SSR1: variants seen among roughly 807,000 people sequenced by gnomAD.
The protein encoded by SSR1 is signal sequence receptor subunit 1.
A neutral mutation model predicts 36.1 loss-of-function variants in SSR1; 13 were observed. The observed-to-expected ratio is 0.36, with a 90% CI of 0.23 to 0.57. SSR1 has a LOEUF of 0.57. Among genes scored for constraint, SSR1 ranks in the 20% least tolerant of loss-of-function variants. The pLI, the probability that SSR1 is intolerant of heterozygous loss-of-function variation, is 0.81. For synonymous variants in SSR1, 113 were observed against 118.9 expected (o/e 0.95, Z 0.32); for missense variants, 291 against 338.5 (o/e 0.86, Z 1.10).
At chr6:7,291,381 G>A (rs1164876959) in intron 7 of SSR1, among the ~76,000 whole-genome samples, 1 of 152,030 alleles carries the variant, frequency 6.6e-6, no homozygotes, top group African/African-American at 2.4e-5. Context: ...CTGGGCAACA[G>A]AGCAAGACTC....
In SSR1 at chr6:7,309,979, CTTCTACTG is replaced by C; in HGVS notation, c.122_129del (p.Thr41ArgfsTer5). The C allele has an allele frequency of 6.2e-7, 1 of 1,614,018 alleles. No individual in the cohort carries two copies. The highest frequency in any genetic ancestry group is 8.5e-7 in the Non-Finnish European group (1 of 1,180,002). On this transcript the variant is annotated frameshift_variant, in exon 2 of 8. Coordinates refer to ENST00000244763, the MANE Select transcript of SSR1 (RefSeq NM_003144.5). LOFTEE classifies it high-confidence loss of function. ...TCATCTTCATCCTCAATTATGGAAT[CTTCTACTG>C]TTTCTTCATCCTCTGTAAGATCTTG...
chr6:7,290,886 G>A (rs1757665759), intron 7 of SSR1, among the ~76,000 whole-genome samples: 1 of 151,890 alleles, frequency 6.6e-6, no homozygotes, highest in Non-Finnish European at 1.5e-5. Context: ...ATGAGTAAAT[G>A]TTTATCAAGA....
At chr6:7,292,624 G>A (rs959912404) in intron 7 of SSR1, among the ~76,000 whole-genome samples, 7 of 152,152 alleles carry the variant, frequency 4.6e-5, no homozygotes, top group African/African-American at 1.7e-4. Context: ...GGGCTCAAGC[G>A]ATCCTCCTGC....
intron 1 of SSR1, among the ~76,000 whole-genome samples, chr6:7,310,677 G>A (rs773715283): frequency 9.2e-5 from 14 of 152,198 alleles, no homozygotes; most frequent in Non-Finnish European, 2.1e-4. Flanking sequence ...TTAGAAGGCT[G>A]AGGAGGGTGA....
intron 4 of SSR1, among the ~76,000 whole-genome samples, chr6:7,300,612 A>G (rs1757911713): frequency 6.6e-6 from 1 of 152,198 alleles, no homozygotes; most frequent in African/African-American, 2.4e-5. Context: ...TGCAAGCAAC[A>G]AAAGGAGGTA....
chr6:7,306,870 C>CG lies in SSR1; in HGVS notation c.192+3046_192+3047insC, dbSNP rs1414721770. On this transcript the variant is annotated intron_variant, in intron 2 of 7. Transcript: ENST00000244763. Reference sequence around the variant, plus strand: ...GGTGGAGCTTGCAGTGAGCGGAGATCCACGCCACTGCACTCCAGCCTGGGC... The same window carrying CG: ...GGTGGAGCTTGCAGTGAGCGGAGATCGCACGCCACTGCACTCCAGCCTGGGC... Among the ~76,000 whole-genome samples, 46 of 150,276 alleles carry CG rather than the reference C, an allele frequency of 3.1e-4. 1 individual carries two copies. In the South Asian group the frequency reaches 4.0e-3, roughly 13 times the overall value.
chr6:7,305,323 G>A (rs1252011189), intron 2 of SSR1, among the ~76,000 whole-genome samples: 1 of 152,170 alleles, frequency 6.6e-6, no homozygotes, highest in Non-Finnish European at 1.5e-5. Flanking sequence ...CCTGTGAAGA[G>A]CTGGAAAAGA....
At position 7,287,277 on chromosome 6, in the gene SSR1, TGC is replaced by T. The variant is rs1188263473; in HGVS notation, c.*2585_*2586del. On this transcript the variant is annotated 3_prime_UTR_variant, in exon 8 of 8. Transcript: ENST00000244763. ...GCCATGATACAGTTCTAGGCTGATG[TGC>T]CACAAATGCACTTTTAAGGCAGTAG... is the stretch of plus-strand genomic sequence containing the variant. 6 of 152,340 alleles carry T rather than the reference TGC, an allele frequency of 3.9e-5. No individual in the cohort carries two copies. The highest frequency in any genetic ancestry group is 1.4e-4 in the African/African-American group (6 of 41,592). The allele number at this position is 152,340 out of a possible 1,614,324, so 9.4% of individuals were successfully genotyped here. A position where few individuals can be genotyped will look rare whatever the true frequency, so the allele number is the denominator to read the frequency against.
chr6:7,290,374 C>G (rs985652652), intron 7 of SSR1, among the ~76,000 whole-genome samples: 2 of 151,548 alleles, frequency 1.3e-5, no homozygotes, highest in African/African-American at 4.9e-5. Flanking sequence ...TATTTCAATG[C>G]TAAAACAATT....
At chr6:7,312,937 G>T in intron 1 of SSR1, 105 bp downstream of exon 1, 1 of 1,167,584 alleles carries the variant, frequency 8.6e-7, no homozygotes, top group Non-Finnish European at 1.2e-6. Flanking sequence ...CAGCGGGGTG[G>T]ACGCGGACCC....
At chr6:7,295,180 A>G in intron 7 of SSR1, 2 of 1,440,994 alleles carry the variant, frequency 1.4e-6, no homozygotes, top group South Asian at 2.6e-5. Flanking sequence ...TAAGCTGCAG[A>G]TCTGGAAGAA....
chr6:7,290,554 G>A (rs1373025281), intron 7 of SSR1, among the ~76,000 whole-genome samples: 3 of 152,076 alleles, frequency 2.0e-5, no homozygotes, highest in East Asian at 1.9e-4. Flanking sequence ...CTCTATTATT[G>A]TCTTGTCTTA....
intron 2 of SSR1, among the ~76,000 whole-genome samples, chr6:7,305,211 G>A (rs141833241): frequency 5.6e-4 from 85 of 152,228 alleles, no homozygotes; most frequent in African/African-American, 1.9e-3. Flanking sequence ...TGAATCACTG[G>A]AGCCATATCA....
At position 7,286,895 on chromosome 6, in the gene SSR1, C is replaced by G. The variant is rs1385697622; in HGVS notation, c.*2969G>C. The G allele has an allele frequency of 1.7e-5, 2 of 116,576 alleles. No individual in the cohort carries two copies. Among genetic ancestry groups the G allele is most frequent in the Non-Finnish European group, 3.2e-5 (2 of 62,230 alleles). 7.2% of individuals were successfully genotyped at this position (116,576 alleles called of 1,614,324 possible). A position where few individuals can be genotyped will look rare whatever the true frequency, so the allele number is the denominator to read the frequency against. On this transcript the variant is annotated 3_prime_UTR_variant, in exon 8 of 8. Coordinates refer to ENST00000244763, the MANE Select transcript of SSR1 (RefSeq NM_003144.5). ...CCACTGCACTCCAGCCTGGGTGACA[C>G]AGAGACTCCGTCTCAGGGGGCAAAA...
At chr6:7,305,390 C>CT (rs1162039519) in intron 2 of SSR1, among the ~76,000 whole-genome samples, 3 of 152,146 alleles carry the variant, frequency 2.0e-5, no homozygotes, top group Non-Finnish European at 2.9e-5. Context: ...TGCTGGTGAC[C>CT]TTAGCAATAC....
At position 7,284,688 on chromosome 6, in the gene SSR1, AC is replaced by A. The variant is rs1315570833; in HGVS notation, c.*5175del. 3 of 151,366 alleles carry A rather than the reference AC, an allele frequency of 2.0e-5. No homozygotes were observed. The highest frequency in any genetic ancestry group is 4.4e-5 in the Non-Finnish European group (3 of 67,906). 9.4% of individuals were successfully genotyped at this position (151,366 alleles called of 1,614,324 possible). A position where few individuals can be genotyped will look rare whatever the true frequency, so the allele number is the denominator to read the frequency against. The stretch of plus-strand genomic sequence containing the variant: ...AACTAAGAGGGGATCTGGGGTTCAA[AC>A]CCAGGCAGCCTGACATGAGCGTTTC... On this transcript the variant is annotated 3_prime_UTR_variant, in exon 8 of 8. Coordinates refer to ENST00000244763, the MANE Select transcript of SSR1 (RefSeq NM_003144.5).
intron 3 of SSR1, among the ~76,000 whole-genome samples, chr6:7,302,268 C>T (rs531984732): frequency 6.5e-4 from 99 of 152,332 alleles, no homozygotes; most frequent in African/African-American, 2.2e-3. Flanking sequence ...GAGTACAGCA[C>T]AGGCTATGGG....
intron 3 of SSR1, among the ~76,000 whole-genome samples, chr6:7,303,138 T>TAA (rs35763826): frequency 0.14 from 5,858 of 42,854 alleles, 1,160 homozygotes; most frequent in Non-Finnish European, 0.16. Flanking sequence ...GACTACATCT[T>TAA]AAAAAAAAAA....
intron 7 of SSR1, chr6:7,295,068 A>C: frequency 1.1e-6 from 1 of 875,366 alleles, no homozygotes; most frequent in Non-Finnish European, 1.5e-6. Flanking sequence ...AAAAACCATT[A>C]AAAAAATTAA....
Sources: allele counts gnomAD v4.1 joint callset (sites outside exome capture counted in the v4.1 genomes callset), GRCh38; gene constraint gnomAD v4.1.1; transcripts MANE v1.5; gene names NCBI Gene and HGNC (gene_info 2026-07-23, HGNC 2026-07-21).